TBC1D9: variants seen among roughly 807,000 people sequenced by gnomAD.
TBC1D9 encodes TBC1 domain family member 9A.
A neutral mutation model predicts 132.0 loss-of-function variants in TBC1D9; 63 were observed. That is an observed-to-expected ratio of 0.48 (90% CI 0.39 to 0.59). The LOEUF is 0.59. Ranked by LOEUF, TBC1D9 falls within the 20% of genes least tolerant of loss-of-function variation. TBC1D9 has a pLI of 0.00. For synonymous variants in TBC1D9, 610 were observed against 609.9 expected (o/e 1.00, Z 0.00); for missense variants, 1,261 against 1,592.7 (o/e 0.79, Z 3.54).
chr4:140,634,739 T>G (rs1451738346), intron 15 of TBC1D9, among the ~76,000 whole-genome samples: 1 of 152,174 alleles, frequency 6.6e-6, no homozygotes, highest in African/African-American at 2.4e-5. Flanking sequence ...AACCCCCTGC[T>G]TCCCTGCTCA....
intron 1 of TBC1D9, among the ~76,000 whole-genome samples, chr4:140,719,649 AC>A (rs1738392998): frequency 6.6e-6 from 1 of 152,232 alleles, no homozygotes; most frequent in Non-Finnish European, 1.5e-5. Flanking sequence ...TTTGCTGGGC[AC>A]TAGAAATATA....
At chr4:140,731,327 A>G (rs1209005292) in intron 1 of TBC1D9, among the ~76,000 whole-genome samples, 3 of 152,188 alleles carry the variant, frequency 2.0e-5, no homozygotes, top group Non-Finnish European at 2.9e-5. Flanking sequence ...ATTACATATT[A>G]TTAGGATCAC....
intron 1 of TBC1D9, among the ~76,000 whole-genome samples, chr4:140,703,368 C>T (rs986760904): frequency 6.6e-6 from 1 of 152,180 alleles, no homozygotes; most frequent in African/African-American, 2.4e-5. Context: ...CTGATATGCA[C>T]AATGCCACTG....
chr4:140,742,529 C>G (rs1738774919), intron 1 of TBC1D9, among the ~76,000 whole-genome samples: 1 of 52,824 alleles, frequency 1.9e-5, no homozygotes, highest in Admixed American at 3.1e-4. Flanking sequence ...GAGACTCTGT[C>G]TCAAAAAAAA....
At chr4:140,645,506 C>T in intron 13 of TBC1D9, 1 of 368,234 alleles carries the variant, frequency 2.7e-6, no homozygotes, top group Admixed American at 3.6e-5. Context: ...ACCCCTAAGC[C>T]ACTATCCTCT....
At chr4:140,676,567 C>A (rs578062663) in intron 6 of TBC1D9, among the ~76,000 whole-genome samples, 2 of 152,258 alleles carry the variant, frequency 1.3e-5, no homozygotes, top group East Asian at 1.9e-4. Context: ...GCAGGAGAAT[C>A]GCTTGAACCT....
chr4:140,656,096 G>A (rs1168302096), intron 13 of TBC1D9, among the ~76,000 whole-genome samples: 1 of 152,142 alleles, frequency 6.6e-6, no homozygotes, highest in East Asian at 1.9e-4. Context: ...CATCTCTGGA[G>A]GCCAAAGCTG....
intron 6 of TBC1D9, among the ~76,000 whole-genome samples, chr4:140,676,314 A>T (rs1461814271): frequency 6.6e-6 from 1 of 152,162 alleles, no homozygotes; most frequent in African/African-American, 2.4e-5. Flanking sequence ...TTTCAATAGC[A>T]CTCATCCCCT....
chr4:140,747,507 C>T (rs1295795209), intron 1 of TBC1D9, among the ~76,000 whole-genome samples: 1 of 152,060 alleles, frequency 6.6e-6, no homozygotes, highest in Non-Finnish European at 1.5e-5. Flanking sequence ...ATAAGATAAT[C>T]TATACCAATA....
rs569106788 is a variant in TBC1D9, at chr4:140,661,770, A to G, written c.1803+123T>C. On this transcript the variant is annotated intron_variant, in intron 10 of 20. Transcript: ENST00000442267. The stretch of plus-strand genomic sequence containing the variant: ...ACAGTCCAGAGTGTCAACAGTGCCA[A>G]GGTTGAGAGGCCCTGGTAAAGTGAT... The G allele has an allele frequency of 6.2e-5, 49 of 785,438 alleles. No individual in the cohort carries two copies. In the African/African-American group the frequency reaches 7.8e-4, roughly 12 times the overall value. 48.7% of individuals were successfully genotyped at this position (785,438 alleles called of 1,614,324 possible).
Position 140,621,404 on chromosome 4 carries a change from T to C in TBC1D9, c.*791A>G, listed in dbSNP as rs1405012674. ...GCAAAGCAAAAGCAAAAACCTGTCA[T>C]GAGCCCTCTGTCTTTGCTGCTACTT... On this transcript the variant is annotated 3_prime_UTR_variant, in exon 21 of 21. Transcript: ENST00000442267. 15 of 152,246 alleles carry C rather than the reference T, an allele frequency of 9.9e-5. No homozygotes were observed. Among genetic ancestry groups the C allele is most frequent in the Admixed American group, 9.8e-4 (15 of 15,284 alleles). 9.4% of individuals were successfully genotyped at this position (152,246 alleles called of 1,614,324 possible).
intron 2 of TBC1D9, among the ~76,000 whole-genome samples, chr4:140,687,130 C>T (rs999802523): frequency 2.0e-5 from 3 of 151,592 alleles, no homozygotes; most frequent in African/African-American, 7.3e-5. Context: ...CAAACTTAAA[C>T]AATCAGCTTT....
chr4:140,689,083 G>T (rs1051242109), intron 2 of TBC1D9, among the ~76,000 whole-genome samples: 2 of 152,046 alleles, frequency 1.3e-5, no homozygotes, highest in Admixed American at 1.3e-4. Flanking sequence ...GTACTCCTGG[G>T]AACCACAGGA....
intron 1 of TBC1D9, among the ~76,000 whole-genome samples, chr4:140,734,599 C>A (rs1339337822): frequency 1.3e-5 from 2 of 152,106 alleles, no homozygotes; most frequent in Non-Finnish European, 2.9e-5. Flanking sequence ...CAAAACCAGT[C>A]TGGGCAACAT....
chr4:140,677,048 G>C lies in TBC1D9; in HGVS notation c.905C>G (p.Pro302Arg). The change falls in exon 6 of 21, where the codon CCC becomes CGC. Residue 302 changes from proline (P) to arginine (R), a missense_variant. By Grantham distance (103) the Pro-to-Arg change is moderately radical. Around this residue, in one of 3 missense-constraint regions of TBC1D9, gnomAD observed 550 missense variants for 699.0 expected, o/e 0.79. Coordinates refer to ENST00000442267, the MANE Select transcript of TBC1D9 (RefSeq NM_015130.3). ...SERYRALFRL[P>R]KDEKLDGHTD... The stretch of plus-strand genomic sequence containing the variant: ...GTGGCCATCTAATTTTTCATCTTTG[G>C]GCAGCCGGAAAAGTGCACGGTATCT... 7 of 1,613,818 alleles carry C rather than the reference G, an allele frequency of 4.3e-6. No individual in the cohort carries two copies. The highest frequency in any genetic ancestry group is 5.1e-6 in the Non-Finnish European group (6 of 1,179,864).
At chr4:140,643,412 C>T in intron 13 of TBC1D9, 2 of 1,078,266 alleles carry the variant, frequency 1.9e-6, no homozygotes, top group Non-Finnish European at 2.8e-6. Context: ...CCATGCCAGC[C>T]AGTGGGTCTT....
chr4:140,743,995 C>T (rs2111080787), intron 1 of TBC1D9, among the ~76,000 whole-genome samples: 1 of 152,254 alleles, frequency 6.6e-6, no homozygotes, highest in South Asian at 2.1e-4. Context: ...ATGTCAAATC[C>T]TGCACAAATT....
At chr4:140,754,614 CAAAA>C (rs34471976) in intron 1 of TBC1D9, among the ~76,000 whole-genome samples, 40 of 23,256 alleles carry the variant, frequency 1.7e-3, no homozygotes, top group African/African-American at 7.2e-3. Flanking sequence ...GACTCTGTCT[CAAAA>C]AAAAAAAAAA....
chr4:140,643,104 G>T, intron 13 of TBC1D9: 1 of 1,395,432 alleles, frequency 7.2e-7, no homozygotes, highest in Non-Finnish European at 9.9e-7. Flanking sequence ...CGTGGGAGCC[G>T]CAGGTTCTTG....
Sources: allele counts gnomAD v4.1 joint callset (sites outside exome capture counted in the v4.1 genomes callset), GRCh38; gene constraint gnomAD v4.1.1; regional missense constraint gnomAD v4.1.1; transcripts MANE v1.5; gene names NCBI Gene and HGNC (gene_info 2026-07-23, HGNC 2026-07-21).